BLTP1: variants seen among roughly 807,000 people sequenced by gnomAD.
BLTP1 encodes the protein bridge-like lipid transfer protein family member 1.
the BLTP1 span, chr4:122,350,183 C>G: frequency 7.6e-6 from 11 of 1,450,784 alleles, no homozygotes; most frequent in Non-Finnish European, 1.0e-5. Context: ...AAATAGCCCA[C>G]AGGCTCTTTA....
the BLTP1 span, chr4:122,214,560 C>A: frequency 1.1e-6 from 1 of 926,554 alleles, no homozygotes; most frequent in Non-Finnish European, 1.3e-6. Context: ...GTATTACCAT[C>A]TACCTTACAT....
chr4:122,263,861 G>C, the BLTP1 span, among the ~76,000 whole-genome samples: 2 of 152,160 alleles, frequency 1.3e-5, no homozygotes, highest in African/African-American at 4.8e-5. Flanking sequence ...GCTGGTTTAA[G>C]TGGTAAATGA....
the BLTP1 span, chr4:122,183,453 T>C: frequency 1.0e-6 from 1 of 984,660 alleles, no homozygotes; most frequent in Non-Finnish European, 1.2e-6. Context: ...ATTAGGCTTA[T>C]AGCTTTAAAC....
At chr4:122,242,587 C>T in the BLTP1 span, among the ~76,000 whole-genome samples, 1 of 152,114 alleles carries the variant, frequency 6.6e-6, no homozygotes, top group African/African-American at 2.4e-5. Flanking sequence ...TATTTATTTT[C>T]CTTGTTATCA....
the BLTP1 span, among the ~76,000 whole-genome samples, chr4:122,300,709 T>C: frequency 6.6e-6 from 1 of 152,176 alleles, no homozygotes; most frequent in Non-Finnish European, 1.5e-5. Flanking sequence ...TGGTCCCTAA[T>C]AGGGGAAGAA....
At chr4:122,243,964 T>C in the BLTP1 span, 2 of 1,611,616 alleles carry the variant, frequency 1.2e-6, no homozygotes, top group Non-Finnish European at 8.5e-7. Flanking sequence ...ACAACAGCCA[T>C]AGTTGAAGTA....
the BLTP1 span, chr4:122,346,566 T>C: frequency 1.9e-6 from 3 of 1,579,622 alleles, no homozygotes; most frequent in Non-Finnish European, 2.6e-6. Flanking sequence ...ATACCTACCA[T>C]GTGAAAACAT....
the BLTP1 span, chr4:122,305,791 G>GGT: frequency 3.7e-6 from 5 of 1,369,068 alleles, no homozygotes; most frequent in Non-Finnish European, 4.8e-6. Flanking sequence ...TAGTTTTTTT[G>GGT]GTGAACAATA....
At chr4:122,324,502 G>A in the BLTP1 span, 1 of 1,610,692 alleles carries the variant, frequency 6.2e-7, no homozygotes, top group South Asian at 1.1e-5. Flanking sequence ...TTCTGCTTCT[G>A]GAAGACCACC....
At chr4:122,186,169 T>C in the BLTP1 span, 5 of 1,612,624 alleles carry the variant, frequency 3.1e-6, no homozygotes, top group African/African-American at 6.7e-5. Context: ...CTAAGAAAGA[T>C]GATGATAAAA....
At chr4:122,299,753 T>G in the BLTP1 span, 1 of 957,496 alleles carries the variant, frequency 1.0e-6, no homozygotes, top group Non-Finnish European at 1.2e-6. Context: ...TACATATATG[T>G]ATGTATGTAT....
the BLTP1 span, chr4:122,247,857 A>G: frequency 1.0e-6 from 1 of 978,982 alleles, no homozygotes; most frequent in Non-Finnish European, 1.2e-6. Flanking sequence ...CATCATTTTA[A>G]TATTTTTGAT....
the BLTP1 span, chr4:122,348,442 A>T: frequency 3.8e-6 from 3 of 788,606 alleles, no homozygotes; most frequent in Non-Finnish European, 5.8e-6. Flanking sequence ...ACCATTAAAC[A>T]TTAGATTCTA....
chr4:122,331,528 A>ATAC, the BLTP1 span: 3 of 1,610,662 alleles, frequency 1.9e-6, no homozygotes, highest in Non-Finnish European at 2.5e-6. Flanking sequence ...ACATGATGAT[A>ATAC]TAAGTTTGAG....
the BLTP1 span, among the ~76,000 whole-genome samples, chr4:122,192,662 T>G: frequency 6.6e-6 from 1 of 152,142 alleles, no homozygotes; most frequent in African/African-American, 2.4e-5. Context: ...TTTTTTCTTT[T>G]GGATTTAATC....
chr4:122,267,336 G>A, the BLTP1 span, among the ~76,000 whole-genome samples: 1 of 152,094 alleles, frequency 6.6e-6, no homozygotes, highest in East Asian at 1.9e-4. Context: ...TGGGATTACA[G>A]GCGTGAGCCA....
the BLTP1 span, chr4:122,271,167 A>G: frequency 3.1e-6 from 5 of 1,613,936 alleles, no homozygotes; most frequent in Non-Finnish European, 3.4e-6. Context: ...AGCAAGCGGT[A>G]TTATAACACC....
chr4:122,163,300 T>C, the BLTP1 span, among the ~76,000 whole-genome samples: 1 of 152,222 alleles, frequency 6.6e-6, no homozygotes, highest in Non-Finnish European at 1.5e-5. Context: ...TCACTCATAT[T>C]GGGAACTCTG....
the BLTP1 span, chr4:122,154,472 A>G: frequency 1.0e-6 from 1 of 985,338 alleles, no homozygotes; most frequent in Non-Finnish European, 1.2e-6. Context: ...TAGCCTGTGC[A>G]TTGGCAGGAG....
Sources: allele counts gnomAD v4.1 joint callset (sites outside exome capture counted in the v4.1 genomes callset), GRCh38; gene constraint gnomAD v4.1.1; transcripts MANE v1.5; gene names NCBI Gene and HGNC (gene_info 2026-07-23, HGNC 2026-07-21).